FAM110B: variants seen among roughly 807,000 people sequenced by gnomAD.
FAM110B encodes the protein protein FAM110B.
A neutral mutation model predicts 20.4 loss-of-function variants in FAM110B; 6 were observed. That is an observed-to-expected ratio of 0.29 (90% CI 0.16 to 0.58). FAM110B has a LOEUF of 0.58. Ranked by LOEUF, FAM110B falls within the 20% of genes least tolerant of loss-of-function variation. The pLI is 0.90. For synonymous variants in FAM110B, 226 were observed against 214.1 expected, an observed-to-expected ratio of 1.06 and a Z score of -0.49; for missense variants, 434 against 498.2, an observed-to-expected ratio of 0.87 and a Z score of 1.23.
intron 3 of FAM110B, among the ~76,000 whole-genome samples, chr8:58,143,779 T>C (rs1803794797): frequency 6.6e-6 from 1 of 152,154 alleles, no homozygotes; most frequent in Admixed American, 6.5e-5. Flanking sequence ...TGTAGGTGTT[T>C]TAGGCTTCTG....
intron 1 of FAM110B, among the ~76,000 whole-genome samples, chr8:58,008,910 C>T (rs1305170447): frequency 6.6e-6 from 1 of 152,178 alleles, no homozygotes; most frequent in East Asian, 1.9e-4. Flanking sequence ...TCTTCTTTAT[C>T]TGACCCTGAA....
chr8:58,051,345 T>G (rs1014792426), intron 2 of FAM110B, among the ~76,000 whole-genome samples: 3 of 152,096 alleles, frequency 2.0e-5, no homozygotes, highest in African/African-American at 7.2e-5. Flanking sequence ...GTGTGGATGG[T>G]AAGAGGGGAG....
chr8:58,099,229 A>T (rs1186678426), intron 3 of FAM110B: 3 of 152,218 alleles, frequency 2.0e-5, no homozygotes, highest in African/African-American at 7.2e-5. Flanking sequence ...AAATGAATGC[A>T]GGTTGAGCAT....
intron 3 of FAM110B, among the ~76,000 whole-genome samples, chr8:58,097,976 C>T (rs564909871): frequency 1.3e-5 from 2 of 152,326 alleles, no homozygotes; most frequent in East Asian, 3.9e-4. Context: ...CTGGAGCTCT[C>T]CTGTGTGAGG....
intron 3 of FAM110B, among the ~76,000 whole-genome samples, chr8:58,141,783 C>T (rs1315473833): frequency 6.6e-6 from 1 of 152,212 alleles, no homozygotes; most frequent in African/African-American, 2.4e-5. Flanking sequence ...GTTGCGTCAA[C>T]AATGAGCCAC....
chr8:58,065,641 A>C (rs1805744197), intron 2 of FAM110B, among the ~76,000 whole-genome samples: 1 of 152,124 alleles, frequency 6.6e-6, no homozygotes, highest in African/African-American at 2.4e-5. Flanking sequence ...AATCATATCC[A>C]GTTACTATGC....
At chr8:58,072,736 C>T (rs1231909302) in intron 2 of FAM110B, among the ~76,000 whole-genome samples, 2 of 152,126 alleles carry the variant, frequency 1.3e-5, no homozygotes, top group Non-Finnish European at 2.9e-5. Context: ...ATTTTAAAAT[C>T]AAAACATTTT....
At chr8:58,094,365 G>A (rs1420392501) in intron 3 of FAM110B, among the ~76,000 whole-genome samples, 2 of 152,166 alleles carry the variant, frequency 1.3e-5, no homozygotes, top group South Asian at 2.1e-4. Flanking sequence ...TGCCCATTCA[G>A]TATGATATTG....
In FAM110B at chr8:58,147,506, A is replaced by G. The variant is rs762292003; in HGVS notation, c.*163A>G. 24 of 854,142 alleles carry G rather than the reference A, an allele frequency of 2.8e-5. No individual in the cohort carries two copies. The highest frequency in any genetic ancestry group is 1.8e-4 in the Admixed American group (6 of 33,632). The allele number at this position is 854,142 out of a possible 1,614,324, so 52.9% of individuals were successfully genotyped here. On this transcript the variant is annotated 3_prime_UTR_variant, in exon 4 of 4. Coordinates refer to ENST00000519262, the MANE Select transcript of FAM110B (RefSeq NM_001377989.1). ...CAACATGGGGACTGACCTGGCTTCC[A>G]CGTCACCATCGCTACAGAGCCTGGC...
intron 2 of FAM110B, among the ~76,000 whole-genome samples, chr8:58,050,884 T>C (rs1027432172): frequency 3.3e-5 from 5 of 152,144 alleles, no homozygotes; most frequent in Non-Finnish European, 4.4e-5. Context: ...TCCGCCTCCA[T>C]GGAAAGGTCA....
intron 2 of FAM110B, among the ~76,000 whole-genome samples, chr8:58,032,001 C>T (rs1419205594): frequency 6.6e-6 from 1 of 152,198 alleles, no homozygotes; most frequent in Non-Finnish European, 1.5e-5. Flanking sequence ...TGGCAAAAAC[C>T]ATCCTTGTAG....
chr8:58,144,422 T>C (rs1421022854), intron 3 of FAM110B, among the ~76,000 whole-genome samples: 1 of 152,230 alleles, frequency 6.6e-6, no homozygotes, highest in African/African-American at 2.4e-5. Context: ...TTATACTAAA[T>C]TGAGGTATCA....
At chr8:58,082,523 T>C (rs1187481555) in intron 3 of FAM110B, among the ~76,000 whole-genome samples, 3 of 152,246 alleles carry the variant, frequency 2.0e-5, no homozygotes, top group Non-Finnish European at 4.4e-5. Context: ...TTCTTTAGTC[T>C]ATGAGGACAT....
At chr8:58,087,420 C>T (rs1191459890) in intron 3 of FAM110B, among the ~76,000 whole-genome samples, 1 of 152,210 alleles carries the variant, frequency 6.6e-6, no homozygotes, top group Non-Finnish European at 1.5e-5. Context: ...AGCACTTTCA[C>T]TTCAGCGGCC....
At chr8:58,090,261 G>A (rs1806440486) in intron 3 of FAM110B, among the ~76,000 whole-genome samples, 1 of 152,214 alleles carries the variant, frequency 6.6e-6, no homozygotes, top group African/African-American at 2.4e-5. Context: ...CCAGATTCAA[G>A]CAGTTCTCCT....
At chr8:58,091,960 T>A (rs1256244364) in intron 3 of FAM110B, among the ~76,000 whole-genome samples, 4 of 152,212 alleles carry the variant, frequency 2.6e-5, no homozygotes, top group African/African-American at 9.6e-5. Flanking sequence ...TTAAAAGTTA[T>A]AATTATTGAA....
chr8:58,008,126 A>ATTTTTTTT (rs71248160), intron 1 of FAM110B, among the ~76,000 whole-genome samples: 1 of 116,010 alleles, frequency 8.6e-6, no homozygotes. Flanking sequence ...AAAAGCTTGC[A>ATTTTTTTT]TTTTTTTTTT....
At chr8:58,010,134 A>T (rs1804497860) in intron 1 of FAM110B, among the ~76,000 whole-genome samples, 1 of 151,170 alleles carries the variant, frequency 6.6e-6, no homozygotes. Context: ...CTCGTGCCTC[A>T]GCCTCCCGAG....
intron 2 of FAM110B, among the ~76,000 whole-genome samples, chr8:58,034,610 G>A (rs1805036718): frequency 6.6e-6 from 1 of 152,160 alleles, no homozygotes; most frequent in African/African-American, 2.4e-5. Context: ...ATCCATCAAA[G>A]CAGAATTACG....
Sources: allele counts gnomAD v4.1 joint callset (sites outside exome capture counted in the v4.1 genomes callset), GRCh38; gene constraint gnomAD v4.1.1; transcripts MANE v1.5; gene names NCBI Gene and HGNC (gene_info 2026-07-23, HGNC 2026-07-21).